Variants in DLG2 observed in about 807,000 individuals in gnomAD.
The protein encoded by DLG2 is disks large homolog 2.
A neutral mutation model predicts 132.5 loss-of-function variants in DLG2; 45 were observed. The observed-to-expected ratio is 0.34, with a 90% CI of 0.27 to 0.44. The LOEUF is 0.44. Ranked by LOEUF, DLG2 falls within the 20% of genes least tolerant of loss-of-function variation. The probability of loss-of-function intolerance (pLI) is 1.00; values close to 1 mark genes in which losing one functional copy is unlikely to be tolerated. For missense variants in DLG2, 1,045 were observed against 1,196.9 expected, an observed-to-expected ratio of 0.87 and a Z score of 1.87; for synonymous variants, 424 against 419.6, an observed-to-expected ratio of 1.01 and a Z score of -0.13.
chr11:83,936,659 T>C (rs77926360), intron 14 of DLG2, among the ~76,000 whole-genome samples: 9,843 of 152,284 alleles, frequency 0.065, 410 homozygotes, highest in East Asian at 0.15. Flanking sequence ...AAGAGCTGCA[T>C]CATTTAAAGT....
At chr11:83,739,884 G>C (rs1040403944) in intron 18 of DLG2, among the ~76,000 whole-genome samples, 1 of 152,182 alleles carries the variant, frequency 6.6e-6, no homozygotes, top group Admixed American at 6.6e-5. Context: ...GTAGGAAGTA[G>C]GCTTGACGAC....
chr11:85,619,964 G>A (rs145305028), intron 2 of DLG2, among the ~76,000 whole-genome samples: 1,893 of 152,224 alleles, frequency 0.012, 73 homozygotes, highest in Non-Finnish European at 7.4e-3. Context: ...TCAGGTACAG[G>A]CATAGCTCAT....
chr11:85,310,164 T>C (rs1403968662), intron 3 of DLG2, among the ~76,000 whole-genome samples: 1 of 152,208 alleles, frequency 6.6e-6, no homozygotes, highest in Non-Finnish European at 1.5e-5. Context: ...CACCCTAGAA[T>C]AGACAAAAAT....
At chr11:84,783,767 T>C (rs7950953) in intron 6 of DLG2, among the ~76,000 whole-genome samples, 21,690 of 152,110 alleles carry the variant, frequency 0.14, 1,785 homozygotes, top group African/African-American at 0.23. Flanking sequence ...TTTTGATTCC[T>C]GTTTCAGAGT....
intron 3 of DLG2, among the ~76,000 whole-genome samples, chr11:85,393,405 T>C (rs2086979242): frequency 6.6e-6 from 1 of 152,140 alleles, no homozygotes; most frequent in South Asian, 2.1e-4. Context: ...GGAAAACATT[T>C]TGGAGATTCC....
At chr11:83,790,486 C>T in intron 17 of DLG2, 1 of 1,228,572 alleles carries the variant, frequency 8.1e-7, no homozygotes, top group Non-Finnish European at 1.2e-6. Context: ...ACCATGGGAC[C>T]ACTACTTTGC....
intron 11 of DLG2, among the ~76,000 whole-genome samples, chr11:83,989,162 G>A (rs2093553062): frequency 6.6e-6 from 1 of 152,124 alleles, no homozygotes; most frequent in South Asian, 2.1e-4. Context: ...AGTGAGCCAT[G>A]GTAGCTGCAG....
At chr11:84,245,767 A>G (rs913097077) in intron 8 of DLG2, among the ~76,000 whole-genome samples, 1 of 152,226 alleles carries the variant, frequency 6.6e-6, no homozygotes, top group African/African-American at 2.4e-5. Context: ...GACCTACAAT[A>G]TAAAGTACAA....
At chr11:85,496,882 C>T (rs1290979057) in intron 3 of DLG2, among the ~76,000 whole-genome samples, 1 of 152,204 alleles carries the variant, frequency 6.6e-6, no homozygotes, top group East Asian at 1.9e-4. Context: ...ATAGTATCAA[C>T]GTCAACAAAA....
intron 6 of DLG2, among the ~76,000 whole-genome samples, chr11:85,101,349 G>A (rs2070818634): frequency 6.6e-6 from 1 of 152,054 alleles, no homozygotes. Context: ...GTATGCCTAA[G>A]AAATATTAAG....
intron 6 of DLG2, among the ~76,000 whole-genome samples, chr11:84,855,896 G>A (rs189818501): frequency 9.2e-5 from 14 of 152,090 alleles, no homozygotes; most frequent in Admixed American, 9.2e-4. Context: ...AAGAAACGTG[G>A]AAATTTCATA....
intron 15 of DLG2, among the ~76,000 whole-genome samples, chr11:83,895,896 A>G (rs1316075319): frequency 1.3e-5 from 2 of 151,934 alleles, no homozygotes; most frequent in Admixed American, 1.3e-4. Flanking sequence ...TGTACCCCCA[A>G]CCCCATGTCT....
Position 85,263,130 on chromosome 11 carries a change from A to T in DLG2, c.186+22090T>A, listed in dbSNP as rs534768411. On this transcript the variant is annotated intron_variant, in intron 4 of 27. Transcript: ENST00000376104. The stretch of plus-strand genomic sequence containing the variant: ...GCACTTTCCAAAGGGCATCCCATCT[A>T]TTGGAAAGGAAATCCTGGCACTAGG... Among the ~76,000 whole-genome samples, 3 of 152,140 alleles carry T rather than the reference A, an allele frequency of 2.0e-5. No homozygotes were observed. In the South Asian group the frequency reaches 6.2e-4, roughly 31 times the overall value.
In DLG2 at chr11:83,467,781, A is replaced by G. The variant is rs952642724; in HGVS notation, c.2620-964T>C. Among the ~76,000 whole-genome samples the G allele has an allele frequency of 4.6e-3, 279 of 60,038 alleles. 3 individuals carry two copies. Among genetic ancestry groups the G allele is most frequent in the African/African-American group, 0.017 (228 of 13,074 alleles). 39.4% of individuals were successfully genotyped at this position (60,038 alleles called of 152,430 possible). On this transcript the variant is annotated intron_variant, in intron 25 of 27. Transcript: ENST00000376104. ...AAATAAAAACTATATGTATATATAT[A>G]TATATATATATATATATATATATAT...
intron 3 of DLG2, among the ~76,000 whole-genome samples, chr11:85,564,996 T>C (rs1015809578): frequency 4.6e-5 from 7 of 152,074 alleles, no homozygotes; most frequent in Non-Finnish European, 7.4e-5. Flanking sequence ...TTTTGATGTG[T>C]GGTAAATTGT....
At chr11:84,604,231 C>T (rs2059219846) in intron 6 of DLG2, among the ~76,000 whole-genome samples, 1 of 151,746 alleles carries the variant, frequency 6.6e-6, no homozygotes, top group African/African-American at 2.4e-5. Context: ...GAGGAATCAA[C>T]AGGAATAAGA....
At chr11:85,491,557 G>A (rs1315858265) in intron 3 of DLG2, among the ~76,000 whole-genome samples, 1 of 151,986 alleles carries the variant, frequency 6.6e-6, no homozygotes, top group African/African-American at 2.4e-5. Flanking sequence ...AAATAAAGTT[G>A]CAGGATACAA....
chr11:85,505,492 C>A (rs767036110), intron 3 of DLG2, among the ~76,000 whole-genome samples: 1 of 152,028 alleles, frequency 6.6e-6, no homozygotes, highest in Non-Finnish European at 1.5e-5. Context: ...TGGTTTTTGT[C>A]TTTGTTCTGC....
intron 18 of DLG2, among the ~76,000 whole-genome samples, chr11:83,699,901 GTA>G (rs1566595505): frequency 2.0e-5 from 3 of 148,410 alleles, no homozygotes; most frequent in African/African-American, 7.5e-5. Flanking sequence ...ATGTATGTAT[GTA>G]TGTATCTATC....
Sources: allele counts gnomAD v4.1 joint callset (sites outside exome capture counted in the v4.1 genomes callset), GRCh38; gene constraint gnomAD v4.1.1; transcripts MANE v1.5; gene names NCBI Gene and HGNC (gene_info 2026-07-23, HGNC 2026-07-21).